NTRK1: variants seen among roughly 807,000 people sequenced by gnomAD.
NTRK1 encodes neurotrophic receptor tyrosine kinase 1.
Under a neutral mutation model 86.8 loss-of-function variants are expected in NTRK1, and 62 were observed. The ratio of observed to expected loss-of-function variants is 0.71; its 90% CI spans 0.58 to 0.88. The LOEUF (loss-of-function observed/expected upper bound fraction) is 0.88, where lower values mean the gene tolerates loss of function less well. NTRK1 is among the 40% of genes least tolerant of loss of function. NTRK1 has a pLI of 0.00. For missense variants in NTRK1, 967 were observed against 1,078.4 expected (o/e 0.90, Z 1.45); for synonymous variants, 469 against 456.6 (o/e 1.03, Z -0.35).
At chr1:156,867,841 G>GT (rs1558100035) in intron 4 of NTRK1, among the ~76,000 whole-genome samples, 2 of 150,420 alleles carry the variant, frequency 1.3e-5, no homozygotes, top group Non-Finnish European at 3.0e-5. Context: ...GCCTGGCTAA[G>GT]TTTTTGCATT....
chr1:156,873,996 G>C (rs1647737419), intron 8 of NTRK1, 37 bp downstream of exon 8: 3 of 1,543,250 alleles, frequency 1.9e-6, no homozygotes, highest in Non-Finnish European at 2.6e-6. Context: ...CCCACTCCTG[G>C]GCTCCTCCTG....
Position 156,879,472 on chromosome 1 carries a change from A to T in NTRK1, c.2046+110A>T, listed in dbSNP as rs1000024828. ...GCTAGGATGGCTGCATGGGTCTGAGATTCACTGGCTCTGGTTTTCAACCTA... is the reference window on the plus strand; with the variant it reads ...GCTAGGATGGCTGCATGGGTCTGAGTTTCACTGGCTCTGGTTTTCAACCTA... On this transcript the variant is annotated intron_variant, in intron 15 of 16. Coordinates refer to ENST00000524377, the MANE Select transcript of NTRK1 (RefSeq NM_002529.4). 3.6e-6 allele frequency: 5 copies of T among 1,398,526 alleles called. No homozygotes were observed. The African/African-American group carries it at 7.2e-5, about 20-fold the overall frequency. The allele number at this position is 1,398,526 out of a possible 1,614,324, so 86.6% of individuals were successfully genotyped here. A position where few individuals can be genotyped will look rare whatever the true frequency, so the allele number is the denominator to read the frequency against.
chr1:156,845,746 T>C, intron 2 of NTRK1: 2 of 1,613,682 alleles, frequency 1.2e-6, no homozygotes, highest in Non-Finnish European at 1.7e-6. Flanking sequence ...TCGGACTCCA[T>C]CTCGGCCTCA....
intron 1 of NTRK1, chr1:156,841,515 C>G: frequency 1.9e-6 from 3 of 1,613,994 alleles, no homozygotes; most frequent in Non-Finnish European, 1.7e-6. Flanking sequence ...TCCCAGAGTA[C>G]CACGCCAAAG....
intron 1 of NTRK1, among the ~76,000 whole-genome samples, chr1:156,829,978 G>C (rs1654426159): frequency 6.6e-6 from 1 of 152,144 alleles, no homozygotes; most frequent in Non-Finnish European, 1.5e-5. Flanking sequence ...ATTTGAAAAG[G>C]GCCAAACAAG....
intron 1 of NTRK1, 90 bp downstream of exon 1, chr1:156,861,236 A>C: frequency 7.0e-7 from 1 of 1,422,778 alleles, no homozygotes; most frequent in Non-Finnish European, 9.5e-7. Flanking sequence ...TTTGCTGGTC[A>C]GGCAGGACGA....
At chr1:156,879,386 C>T (rs2102925455) in intron 15 of NTRK1, 24 bp downstream of exon 15, 4 of 1,585,018 alleles carry the variant, frequency 2.5e-6, no homozygotes, top group South Asian at 1.1e-5. Context: ...GTCCCCAACG[C>T]CTTCCCCTGC....
intron 1 of NTRK1, among the ~76,000 whole-genome samples, chr1:156,820,851 T>C (rs111781587): frequency 0.033 from 4,977 of 152,326 alleles, 325 homozygotes; most frequent in African/African-American, 0.11. Flanking sequence ...GGAAATTGCA[T>C]TGAATCTGTA....
At chr1:156,839,909 C>T (rs779889251) in intron 1 of NTRK1, among the ~76,000 whole-genome samples, 3 of 152,076 alleles carry the variant, frequency 2.0e-5, no homozygotes, top group Non-Finnish European at 2.9e-5. Flanking sequence ...CCTGGCTGCT[C>T]GGGTCCTCAT....
intron 14 of NTRK1, among the ~76,000 whole-genome samples, chr1:156,876,921 A>G (rs1424230098): frequency 5.9e-5 from 9 of 152,244 alleles, no homozygotes; most frequent in Non-Finnish European, 1.3e-4. Flanking sequence ...CGACAGTAAC[A>G]ACGACAGTAA....
intron 1 of NTRK1, among the ~76,000 whole-genome samples, chr1:156,817,047 T>TCTCTCTCTCTCTCTCTCTCTCTCTCTCTC (rs1654008835): frequency 8.8e-6 from 1 of 113,860 alleles, no homozygotes; most frequent in Admixed American, 9.6e-5. Flanking sequence ...GAACTTCCCT[T>TCTCTCTCTCTCTCTCTCTCTCTCTCTCTC]TCTCTCTCTC....
chr1:156,844,687 G>A (rs1481286472), intron 2 of NTRK1: 1 of 1,614,092 alleles, frequency 6.2e-7, no homozygotes, highest in Non-Finnish European at 8.5e-7. Context: ...GGCTGGGACG[G>A]GGGTCCCACG....
chr1:156,849,072 G>A (rs768425488), intron 2 of NTRK1: 12 of 1,604,500 alleles, frequency 7.5e-6, no homozygotes, highest in South Asian at 6.7e-5. Context: ...GGGCCTGCTC[G>A]CAACCGCGCC....
intron 1 of NTRK1, among the ~76,000 whole-genome samples, chr1:156,838,059 G>C (rs944307814): frequency 6.6e-6 from 1 of 152,250 alleles, no homozygotes; most frequent in Admixed American, 6.5e-5. Flanking sequence ...TGTGAGCCTA[G>C]AGGAAGAGGA....
chr1:156,877,890 C>G (rs1002814602), intron 14 of NTRK1, among the ~76,000 whole-genome samples: 1 of 152,118 alleles, frequency 6.6e-6, no homozygotes, highest in African/African-American at 2.4e-5. Context: ...GGGTGTGGAG[C>G]AGGAGGCGAG....
At chr1:156,820,341 G>A (rs1031955971) in intron 1 of NTRK1, among the ~76,000 whole-genome samples, 1 of 152,120 alleles carries the variant, frequency 6.6e-6, no homozygotes, top group East Asian at 1.9e-4. Flanking sequence ...CAACCTCCCG[G>A]GCTCAAGTGA....
intron 2 of NTRK1, chr1:156,844,079 C>G: frequency 1.2e-6 from 1 of 859,500 alleles, no homozygotes; most frequent in Admixed American, 2.1e-5. Flanking sequence ...TATGGAAGAC[C>G]TGTCTTTCTA....
intron 1 of NTRK1, among the ~76,000 whole-genome samples, chr1:156,830,348 G>C (rs924254225): frequency 1.3e-5 from 2 of 152,168 alleles, no homozygotes; most frequent in African/African-American, 4.8e-5. Flanking sequence ...CCCAGGTTAC[G>C]AGACTGCCAG....
intron 6 of NTRK1, among the ~76,000 whole-genome samples, chr1:156,870,460 G>A (rs1191014576): frequency 6.6e-6 from 1 of 152,182 alleles, no homozygotes; most frequent in Non-Finnish European, 1.5e-5. Context: ...GATAAGGGGT[G>A]GCAGACCAGC....
Sources: gnomAD v4.1 joint callset for allele counts (sites outside exome capture counted in the v4.1 genomes callset) on GRCh38, gnomAD v4.1.1 for gene constraint, MANE v1.5 for transcripts, NCBI Gene and HGNC (gene_info 2026-07-23, HGNC 2026-07-21) for gene names.